ADTRP: variants seen among roughly 807,000 people sequenced by gnomAD.
ADTRP encodes androgen dependent TFPI regulating protein.
In ADTRP, 20 loss-of-function variants were observed where a neutral mutation model predicts 27.0. The observed-to-expected ratio is 0.74, with a 90% CI of 0.52 to 1.08. The LOEUF (loss-of-function observed/expected upper bound fraction) is 1.08. Among genes scored for constraint, ADTRP ranks in the 50% least tolerant of loss-of-function variants. The pLI, the probability that ADTRP is intolerant of heterozygous loss-of-function variation, is 0.00. For missense variants in ADTRP, 251 were observed against 275.0 expected (o/e 0.91, Z 0.62); for synonymous variants, 101 against 105.2 (o/e 0.96, Z 0.25).
intron 4 of ADTRP, among the ~76,000 whole-genome samples, chr6:11,725,507 TA>T (rs1200528589): frequency 2.0e-5 from 3 of 152,330 alleles, no homozygotes; most frequent in South Asian, 2.1e-4. Context: ...ATGGATACTA[TA>T]TTTTTTTTAA....
chr6:11,736,532 T>G (rs564869477), intron 3 of ADTRP: 6 of 152,558 alleles, frequency 3.9e-5, no homozygotes, highest in African/African-American at 1.4e-4. Flanking sequence ...ACCCCCCTGT[T>G]AGACCGAGGC....
chr6:11,728,244 G>C lies in ADTRP; in HGVS notation c.507-4744C>G, dbSNP rs1762279248. ...CCACTTCCCCTATTGCAAGCCATCA[G>C]TAATCCGGTAATCTTCCTAAAAGCG... On this transcript the variant is annotated intron_variant, in intron 4 of 5. Coordinates refer to ENST00000414691, the MANE Select transcript of ADTRP (RefSeq NM_032744.4). 4 of 152,430 alleles carry C rather than the reference G, an allele frequency of 2.6e-5. 1 individual carries two copies. In the South Asian group the frequency reaches 8.3e-4, roughly 32 times the overall value. 9.4% of individuals were successfully genotyped at this position (152,430 alleles called of 1,614,324 possible). A position where few individuals can be genotyped will look rare whatever the true frequency, so the allele number is the denominator to read the frequency against.
chr6:11,749,620 G>A (rs897212269), intron 3 of ADTRP, among the ~76,000 whole-genome samples: 3 of 152,180 alleles, frequency 2.0e-5, no homozygotes, highest in African/African-American at 7.2e-5. Context: ...GAACAAGGGA[G>A]TGTGGCATCA....
At chr6:11,768,207 T>G in intron 2 of ADTRP, 42 bp downstream of exon 2, 2 of 1,610,602 alleles carry the variant, frequency 1.2e-6, no homozygotes, top group Non-Finnish European at 1.7e-6. Flanking sequence ...TCTGTCCATA[T>G]GCACATTTCT....
intron 3 of ADTRP, among the ~76,000 whole-genome samples, chr6:11,750,556 C>G (rs1472721533): frequency 6.6e-6 from 1 of 152,224 alleles, no homozygotes; most frequent in Non-Finnish European, 1.5e-5. Context: ...CTCAAGCAAT[C>G]ACGTTATGAT....
intron 3 of ADTRP, among the ~76,000 whole-genome samples, chr6:11,749,862 G>A (rs1278246887): frequency 1.3e-5 from 2 of 152,184 alleles, no homozygotes; most frequent in African/African-American, 4.8e-5. Context: ...GACAACATCT[G>A]CCCCAAAGGA....
At position 11,755,416 on chromosome 6, in the gene ADTRP, C is replaced by T. The variant is rs200139973; in HGVS notation, c.390+10858G>A. ...AAAAAAAGAAAAGGCATGCTTTCAT[C>T]ATCCTGGTCCCTGCTCTCCAGAGAT... On this transcript the variant is annotated intron_variant, in intron 3 of 5. Coordinates refer to ENST00000414691, the MANE Select transcript of ADTRP (RefSeq NM_032744.4). Among the ~76,000 whole-genome samples, 23 of 152,334 alleles carry T rather than the reference C, an allele frequency of 1.5e-4. No homozygotes were observed. The East Asian group carries it at 2.3e-3, about 15-fold the overall frequency.
intron 5 of ADTRP, among the ~76,000 whole-genome samples, chr6:11,722,756 G>A (rs1033512903): frequency 7.9e-5 from 12 of 152,106 alleles, no homozygotes; most frequent in African/African-American, 2.4e-4. Flanking sequence ...CACCTATAAC[G>A]AGAAAGCTTA....
chr6:11,735,692 G>C lies in ADTRP; in HGVS notation c.391-9C>G. On this transcript the variant is annotated splice_polypyrimidine_tract_variant and intron_variant, in intron 3 of 5. Coordinates refer to ENST00000414691, the MANE Select transcript of ADTRP (RefSeq NM_032744.4). ...GGGAATATGAAAGTGTGCTGCAGGAGAGAAAATGGCAAATCAGAATGGCAG... is the reference window on the plus strand; with the variant it reads ...GGGAATATGAAAGTGTGCTGCAGGACAGAAAATGGCAAATCAGAATGGCAG... 2 of 1,596,868 alleles carry C rather than the reference G, an allele frequency of 1.3e-6. No homozygotes were observed. The highest frequency in any genetic ancestry group is 8.6e-7 in the Non-Finnish European group (1 of 1,164,538).
intron 4 of ADTRP, among the ~76,000 whole-genome samples, chr6:11,733,048 G>A (rs188225280): frequency 1.3e-4 from 20 of 152,272 alleles, no homozygotes; most frequent in Non-Finnish European, 2.5e-4. Flanking sequence ...ATATGACCAT[G>A]GGCATGTCAT....
rs931948734 is a variant in ADTRP at position 11,739,879 on chromosome 6, A to C, written c.391-4196T>G. Among the ~76,000 whole-genome samples, 12 of 152,312 alleles carry C rather than the reference A, an allele frequency of 7.9e-5. 2 individuals are homozygous for C. Among genetic ancestry groups the C allele is most frequent in the African/African-American group, 2.9e-4 (12 of 41,582 alleles). On this transcript the variant is annotated intron_variant, in intron 3 of 5. Coordinates refer to ENST00000414691, the MANE Select transcript of ADTRP (RefSeq NM_032744.4). The stretch of plus-strand genomic sequence containing the variant: ...CTGAATCTTTAAGGCTAGGCTGATC[A>C]CACTCTTATCCTAAGTTTCCTGCGG...
intron 4 of ADTRP, among the ~76,000 whole-genome samples, chr6:11,725,735 T>G (rs1219131315): frequency 6.6e-6 from 1 of 151,830 alleles, no homozygotes; most frequent in Non-Finnish European, 1.5e-5. Flanking sequence ...CCATCTCTAC[T>G]AAATATACAA....
chr6:11,738,995 T>A (rs1478800109), intron 3 of ADTRP, among the ~76,000 whole-genome samples: 1 of 151,990 alleles, frequency 6.6e-6, no homozygotes, highest in Non-Finnish European at 1.5e-5. Flanking sequence ...GTATTTCACC[T>A]CACTTTGACA....
At chr6:11,721,045 A>C (rs9469931) in intron 5 of ADTRP, among the ~76,000 whole-genome samples, 104,377 of 151,944 alleles carry the variant, frequency 0.69, 36,189 homozygotes, top group African/African-American at 0.74. Flanking sequence ...TGGAAAAACA[A>C]ATCCCTAAAG....
Position 11,765,283 on chromosome 6 carries a change from A to G in ADTRP, c.390+991T>C, listed in dbSNP as rs138034794. Among the ~76,000 whole-genome samples, 250 of 141,496 alleles carry G rather than the reference A, an allele frequency of 1.8e-3. 3 individuals are homozygous for G. The highest frequency in any genetic ancestry group is 6.1e-3 in the African/African-American group (234 of 38,212). 92.8% of individuals were successfully genotyped at this position (141,496 alleles called of 152,430 possible). ...AAAGTCTGTGAGTGAACTTTTGAGG[A>G]GTCTTGACATGCCACTTCCTTGTGC... is the stretch of plus-strand genomic sequence containing the variant. On this transcript the variant is annotated intron_variant, in intron 3 of 5. Coordinates refer to ENST00000414691, the MANE Select transcript of ADTRP (RefSeq NM_032744.4).
intron 5 of ADTRP, 116 bp from the exon 6 acceptor site, chr6:11,714,628 C>T: frequency 3.4e-6 from 4 of 1,179,270 alleles, no homozygotes; most frequent in Non-Finnish European, 4.8e-6. Flanking sequence ...ACACACTTTT[C>T]CCAAGGTGAC....
intron 3 of ADTRP, among the ~76,000 whole-genome samples, chr6:11,764,009 T>A (rs1173453689): frequency 6.6e-6 from 1 of 152,206 alleles, no homozygotes; most frequent in Non-Finnish European, 1.5e-5. Flanking sequence ...GGTAGCTTCC[T>A]CCTCCTCTTC....
intron 5 of ADTRP, among the ~76,000 whole-genome samples, chr6:11,719,144 C>T (rs531108944): frequency 8.5e-5 from 13 of 152,216 alleles, no homozygotes; most frequent in East Asian, 3.9e-4. Context: ...ACAAGGATGC[C>T]GTAGACAGAA....
chr6:11,717,241 T>G, intron 5 of ADTRP: 1 of 1,280,092 alleles, frequency 7.8e-7, no homozygotes, highest in South Asian at 1.3e-5. Context: ...CCCGACTTGT[T>G]TTATTCCTTT....
Sources: gnomAD v4.1 joint callset for allele counts (sites outside exome capture counted in the v4.1 genomes callset) on GRCh38, gnomAD v4.1.1 for gene constraint, MANE v1.5 for transcripts, NCBI Gene and HGNC (gene_info 2026-07-23, HGNC 2026-07-21) for gene names.